The following FOXN2 variants were observed in gnomAD, a reference collection of about 807,000 sequenced individuals.
The protein encoded by FOXN2 is forkhead box N2, also known as forkhead box protein N2.
Under a neutral mutation model 41.2 loss-of-function variants are expected in FOXN2, and 19 were observed. The ratio of observed to expected loss-of-function variants is 0.46; its 90% CI spans 0.32 to 0.68. The LOEUF (loss-of-function observed/expected upper bound fraction) is 0.68, where lower values mean the gene tolerates loss of function less well. Ranked by LOEUF, FOXN2 falls within the 30% of genes least tolerant of loss-of-function variation. FOXN2 has a pLI of 0.03. For missense variants in FOXN2, 587 were observed against 509.4 expected, an observed-to-expected ratio of 1.15 and a Z score of -1.47; for synonymous variants, 195 against 176.8, an observed-to-expected ratio of 1.10 and a Z score of -0.82.
chr2:48,324,212 T>TTTG (rs1669518117), intron 1 of FOXN2, among the ~76,000 whole-genome samples: 1 of 133,076 alleles, frequency 7.5e-6, no homozygotes, highest in Admixed American at 7.3e-5. Context: ...TTTTTTTTTT[T>TTTG]GTGACAGAGT....
At chr2:48,371,722 A>G (rs1395755514) in intron 5 of FOXN2, among the ~76,000 whole-genome samples, 1 of 152,096 alleles carries the variant, frequency 6.6e-6, no homozygotes, top group African/African-American at 2.4e-5. Flanking sequence ...AATTTTTCCT[A>G]TCCATGAGTA....
At chr2:48,319,785 ATTTTTTTTTTTT>A (rs545797179) in intron 1 of FOXN2, among the ~76,000 whole-genome samples, 154 of 98,752 alleles carry the variant, frequency 1.6e-3, no homozygotes, top group African/African-American at 5.9e-3. Context: ...TAATTTTTTA[ATTTTTTTTTTTT>A]TTTTTTTTTT....
At chr2:48,367,665 T>A (rs1475002934) in intron 5 of FOXN2, among the ~76,000 whole-genome samples, 1 of 152,238 alleles carries the variant, frequency 6.6e-6, no homozygotes, top group Non-Finnish European at 1.5e-5. Flanking sequence ...CTCATATCAT[T>A]CCTTACACAA....
intron 5 of FOXN2, among the ~76,000 whole-genome samples, chr2:48,364,813 A>T (rs1672427615): frequency 1.3e-5 from 2 of 152,274 alleles, no homozygotes; most frequent in African/African-American, 4.8e-5. Flanking sequence ...ATTGCAACAG[A>T]GACCTACATA....
rs1019756945 is a variant in FOXN2, at chr2:48,366,040, A to G, written c.703+3333A>G. Among the ~76,000 whole-genome samples, 32 of 152,104 alleles carry G rather than the reference A, an allele frequency of 2.1e-4. 1 individual carries two copies. The highest frequency in any genetic ancestry group is 2.0e-3 in the Admixed American group (30 of 15,260). ...GTTCCTTGGGATATGCATAGATGAG[A>G]GACCCAGGCCCTGCTCTTAGAAAAT... On this transcript the variant is annotated intron_variant, in intron 5 of 6. Transcript: ENST00000340553.
intron 3 of FOXN2, among the ~76,000 whole-genome samples, chr2:48,350,822 A>G (rs888140437): frequency 1.3e-5 from 2 of 152,180 alleles, no homozygotes; most frequent in Non-Finnish European, 2.9e-5. Flanking sequence ...CATGCTAGCT[A>G]ACATTTGGTC....
chr2:48,352,525 C>T (rs373600423), intron 3 of FOXN2, among the ~76,000 whole-genome samples: 2 of 152,250 alleles, frequency 1.3e-5, no homozygotes, highest in Admixed American at 6.5e-5. Flanking sequence ...CATTAATTCC[C>T]ATGGCTTAAT....
intron 2 of FOXN2, among the ~76,000 whole-genome samples, chr2:48,343,750 C>T (rs1670916375): frequency 6.7e-6 from 1 of 149,452 alleles, no homozygotes; most frequent in Non-Finnish European, 1.5e-5. Flanking sequence ...CGGAGTGAGA[C>T]CCTGTCTCTT....
chr2:48,316,293 C>T (rs1375467871), intron 1 of FOXN2, among the ~76,000 whole-genome samples: 1 of 152,024 alleles, frequency 6.6e-6, no homozygotes, highest in Non-Finnish European at 1.5e-5. Flanking sequence ...TTATTAGGTA[C>T]CATCATAGAG....
At chr2:48,362,938 G>A (rs988430556) in intron 5 of FOXN2, among the ~76,000 whole-genome samples, 3 of 152,140 alleles carry the variant, frequency 2.0e-5, no homozygotes, top group African/African-American at 7.2e-5. Context: ...AGTATAGCAC[G>A]TAGTTATGTA....
intron 3 of FOXN2, among the ~76,000 whole-genome samples, chr2:48,349,824 T>G (rs889497444): frequency 6.6e-6 from 1 of 152,234 alleles, no homozygotes; most frequent in Non-Finnish European, 1.5e-5. Flanking sequence ...ACATATGAAC[T>G]CTTACCTTTG....
chr2:48,350,318 A>G (rs575169087), intron 3 of FOXN2, among the ~76,000 whole-genome samples: 27 of 152,124 alleles, frequency 1.8e-4, no homozygotes, highest in African/African-American at 6.3e-4. Flanking sequence ...GTGAGTGACC[A>G]CTCCCTTTCC....
intron 1 of FOXN2, among the ~76,000 whole-genome samples, chr2:48,321,975 G>A (rs542224245): frequency 1.2e-4 from 18 of 152,294 alleles, no homozygotes; most frequent in African/African-American, 4.3e-4. Flanking sequence ...TTGAGATGGA[G>A]TCTTGCTTTG....
chr2:48,372,887 T>TA (rs1400673449), intron 5 of FOXN2, among the ~76,000 whole-genome samples: 2 of 150,106 alleles, frequency 1.3e-5, no homozygotes, highest in Non-Finnish European at 3.0e-5. Flanking sequence ...TAACTGCAGA[T>TA]ATGCATAGGT....
intron 2 of FOXN2, among the ~76,000 whole-genome samples, chr2:48,344,777 C>T (rs770269624): frequency 1.6e-4 from 24 of 151,480 alleles, no homozygotes; most frequent in Non-Finnish European, 2.9e-4. Flanking sequence ...TAAAATTAGC[C>T]GGTTTTCAGA....
At chr2:48,344,043 TA>T (rs1179131287) in intron 2 of FOXN2, among the ~76,000 whole-genome samples, 1 of 152,172 alleles carries the variant, frequency 6.6e-6, no homozygotes, top group Admixed American at 6.5e-5. Context: ...CTGGGTACAC[TA>T]AAGAGTGGTT....
chr2:48,358,952 A>C, intron 3 of FOXN2, 95 bp from the exon 4 acceptor site: 292 of 858,008 alleles, frequency 3.4e-4, no homozygotes, highest in Middle Eastern at 7.1e-4. Context: ...AAAAGGTGCT[A>C]GAGATTATTT....
At chr2:48,343,329 G>A (rs1670890651) in intron 2 of FOXN2, among the ~76,000 whole-genome samples, 3 of 152,030 alleles carry the variant, frequency 2.0e-5, no homozygotes, top group Non-Finnish European at 4.4e-5. Context: ...AACTCTTCAA[G>A]GCAGTTAGTG....
chr2:48,333,182 TAGTAGA>T (rs1670123586), intron 2 of FOXN2, among the ~76,000 whole-genome samples: 2 of 152,074 alleles, frequency 1.3e-5, no homozygotes, highest in Admixed American at 6.5e-5. Flanking sequence ...GCCATGCATG[TAGTAGA>T]AGCAAGAAGT....
Sources: allele counts gnomAD v4.1 joint callset (sites outside exome capture counted in the v4.1 genomes callset), GRCh38; gene constraint gnomAD v4.1.1; transcripts MANE v1.5; gene names NCBI Gene and HGNC (gene_info 2026-07-23, HGNC 2026-07-21).